Variants in NFASC observed in about 807,000 individuals in gnomAD.
The protein encoded by NFASC is neurofascin, also known as neurofascin homolog.
NFASC carries 43 observed loss-of-function variants against 147.5 expected under a neutral mutation model. The observed-to-expected ratio is 0.29, with a 90% CI of 0.23 to 0.38. The LOEUF (loss-of-function observed/expected upper bound fraction) is 0.38. Ranked by LOEUF, NFASC falls within the 10% of genes least tolerant of loss-of-function variation. The probability of loss-of-function intolerance (pLI) is 1.00; values close to 1 mark genes in which losing one functional copy is unlikely to be tolerated. For synonymous variants in NFASC, 622 were observed against 665.5 expected, an observed-to-expected ratio of 0.93 and a Z score of 1.01; for missense variants, 1,320 against 1,689.0, an observed-to-expected ratio of 0.78 and a Z score of 3.83.
chr1:204,946,365 G>A lies in NFASC; in HGVS notation c.91+1959G>A, dbSNP rs115161571. 3,547 of 507,408 alleles carry A rather than the reference G, an allele frequency of 7.0e-3. 90 individuals are homozygous for A. Among genetic ancestry groups the A allele is most frequent in the African/African-American group, 0.058 (3,002 of 51,854 alleles). 31.4% of individuals were successfully genotyped at this position (507,408 alleles called of 1,614,324 possible). ...GCCTGCGGGTTAGAGACAAGGAAGCGACAGAGCCGGGATAGGACCACAGCA... is the reference window on the plus strand; with the variant it reads ...GCCTGCGGGTTAGAGACAAGGAAGCAACAGAGCCGGGATAGGACCACAGCA... On this transcript the variant is annotated intron_variant, in intron 3 of 29. Coordinates refer to ENST00000339876, the MANE Select transcript of NFASC (RefSeq NM_001005388.3).
At chr1:204,853,202 A>G (rs964671331) in intron 1 of NFASC, among the ~76,000 whole-genome samples, 1 of 152,110 alleles carries the variant, frequency 6.6e-6, no homozygotes, top group Non-Finnish European at 1.5e-5. Flanking sequence ...CAAGGCTGAA[A>G]AAAATGTTTT....
intron 1 of NFASC, chr1:204,870,843 G>A (rs2077561576): frequency 2.5e-6 from 3 of 1,183,050 alleles, no homozygotes; most frequent in African/African-American, 3.2e-5. Flanking sequence ...CAAGGAGCAG[G>A]GAAGCCAGGA....
rs1288327632 is a variant in NFASC, at chr1:204,936,194, C to CTTTTTTTTTTTTT, written c.-90-8029_-90-8028insTTTTTTTTTTTTT. 3.1e-5 allele frequency among the ~76,000 whole-genome samples: 2 copies of CTTTTTTTTTTTTT among 63,814 alleles called. 1 individual carries two copies. The highest frequency in any genetic ancestry group is 3.9e-4 in the Admixed American group (2 of 5,096). 41.9% of individuals were successfully genotyped at this position (63,814 alleles called of 152,430 possible). A position where few individuals can be genotyped will look rare whatever the true frequency, so the allele number is the denominator to read the frequency against. ...GCATTAACAGATTCCCTCTCTCTCT[C>CTTTTTTTTTTTTT]TTTCTTTTTCTTTTTTTTTTTTTTT... On this transcript the variant is annotated intron_variant, in intron 2 of 29. Transcript: ENST00000339876.
At chr1:204,905,671 A>G (rs969505426) in intron 1 of NFASC, among the ~76,000 whole-genome samples, 1 of 152,126 alleles carries the variant, frequency 6.6e-6, no homozygotes, top group African/African-American at 2.4e-5. Context: ...ACTCTACCAC[A>G]GTTTCATTAT....
At chr1:204,860,993 G>T (rs76430116) in intron 1 of NFASC, among the ~76,000 whole-genome samples, 49 of 141,144 alleles carry the variant, frequency 3.5e-4, no homozygotes, top group Non-Finnish European at 5.8e-4. Context: ...GACCATTTGG[G>T]TTTTTTTTTC....
intron 21 of NFASC, 125 bp downstream of exon 21, chr1:204,982,145 G>C (rs1317385288): frequency 1.2e-5 from 7 of 580,398 alleles, no homozygotes; most frequent in Non-Finnish European, 2.1e-5. Context: ...AAGGAAAAAT[G>C]TTCTGTAGTG....
At chr1:204,909,155 C>CT (rs1277350342) in intron 1 of NFASC, among the ~76,000 whole-genome samples, 7 of 152,202 alleles carry the variant, frequency 4.6e-5, no homozygotes, top group African/African-American at 1.7e-4. Flanking sequence ...ATTTAAGAAA[C>CT]TGCCAAACCA....
At chr1:204,926,407 T>TATATATATATATATATATATATATATA (rs11373886) in intron 2 of NFASC, among the ~76,000 whole-genome samples, 1 of 6,418 alleles carries the variant, frequency 1.6e-4, no homozygotes, top group African/African-American at 3.9e-4. Flanking sequence ...TATATATATA[T>TATATATATATATATATATATATATATA]TTTTTTTTTT....
rs779622516 is a variant in NFASC at position 205,016,443 on chromosome 1, C to T, written c.3627C>T (p.Ile1209=). 24 of 1,614,030 alleles carry T rather than the reference C, an allele frequency of 1.5e-5. No individual in the cohort carries two copies. Among genetic ancestry groups the T allele is most frequent in the South Asian group, 9.9e-5 (9 of 91,080 alleles). ...AGTTCAATGAAGACGGCTCCTTCAT[C>T]GGCCAGTACACGGTCAAAAAGGACA... ...EGQFNEDGSF[I]GQYTVKKDKE... The change falls in exon 30 of 30, where the codon ATC becomes ATT. Residue 1209 remains isoleucine, a synonymous_variant. Transcript: ENST00000339876. This position sits in a 1 kb window ranked among gnomAD's most constrained non-coding sequence, Gnocchi z 5.1.
chr1:204,852,607 C>T (rs1303035154), intron 1 of NFASC, among the ~76,000 whole-genome samples: 1 of 152,240 alleles, frequency 6.6e-6, no homozygotes, highest in Non-Finnish European at 1.5e-5. Flanking sequence ...ATGCCTGGGA[C>T]AATGGCCTCT....
intron 1 of NFASC, among the ~76,000 whole-genome samples, chr1:204,866,541 C>T (rs1165264224): frequency 6.6e-6 from 1 of 152,216 alleles, no homozygotes; most frequent in African/African-American, 2.4e-5. Context: ...CCCAGCCCTA[C>T]AGCACCCTGG....
chr1:204,971,295 G>GA (rs1452456775), intron 11 of NFASC, among the ~76,000 whole-genome samples: 1 of 152,190 alleles, frequency 6.6e-6, no homozygotes, highest in Non-Finnish European at 1.5e-5. Flanking sequence ...AGACTTTGGG[G>GA]ACATTTAGTC....
chr1:204,866,184 G>A (rs1347959111), intron 1 of NFASC, among the ~76,000 whole-genome samples: 1 of 152,156 alleles, frequency 6.6e-6, no homozygotes, highest in Admixed American at 6.5e-5. Flanking sequence ...AGGTCCGGAG[G>A]CTGGAGCTCT....
At chr1:204,977,890 C>G (rs2095438867) in intron 17 of NFASC, among the ~76,000 whole-genome samples, 165 bp downstream of exon 17, 1 of 152,180 alleles carries the variant, frequency 6.6e-6, no homozygotes, top group African/African-American at 2.4e-5. Context: ...GTCCACCTCC[C>G]CACGGCCCTT....
rs563142193 is a variant in NFASC at position 204,995,504 on chromosome 1, G to A, written c.2783-1666G>A. Among the ~76,000 whole-genome samples, 11 of 152,136 alleles carry A rather than the reference G, an allele frequency of 7.2e-5. No homozygotes were observed. The South Asian group carries it at 1.5e-3, about 20-fold the overall frequency. The stretch of plus-strand genomic sequence containing the variant: ...GAGTTGCCCCACCGCTCACCCCTCC[G>A]CACGCCGCCCTGATGTCTGTGGGTT... On this transcript the variant is annotated intron_variant, in intron 24 of 29. Coordinates refer to ENST00000339876, the MANE Select transcript of NFASC (RefSeq NM_001005388.3).
intron 2 of NFASC, among the ~76,000 whole-genome samples, chr1:204,938,273 C>T (rs1181361321): frequency 1.3e-5 from 2 of 152,232 alleles, no homozygotes; most frequent in Non-Finnish European, 2.9e-5. Context: ...GTCATTATTA[C>T]AGCCACTTAC....
chr1:204,874,065 G>A (rs890666783), intron 1 of NFASC, among the ~76,000 whole-genome samples: 2 of 152,202 alleles, frequency 1.3e-5, no homozygotes, highest in Non-Finnish European at 2.9e-5. Context: ...ATTTTGAGAA[G>A]ATAAATGAAC....
At chr1:204,835,816 C>A (rs964001216) in intron 1 of NFASC, among the ~76,000 whole-genome samples, 1 of 152,114 alleles carries the variant, frequency 6.6e-6, no homozygotes, top group African/African-American at 2.4e-5. Flanking sequence ...CTGGGAAAGG[C>A]CTTCTAGGAT....
chr1:204,990,144 G>C (rs2095693051), intron 23 of NFASC: 1 of 152,360 alleles, frequency 6.6e-6, no homozygotes, highest in African/African-American at 2.4e-5. Context: ...AAGGCTGACA[G>C]CCCGCTCTGC....
Sources: gnomAD v4.1 joint callset for allele counts (sites outside exome capture counted in the v4.1 genomes callset) on GRCh38, gnomAD v4.1.1 for gene constraint, Gnocchi (gnomAD v3.1) non-coding constraint, MANE v1.5 for transcripts, NCBI Gene and HGNC (gene_info 2026-07-23, HGNC 2026-07-21) for gene names.